The following SCHIP1 variants were observed in gnomAD, a reference collection of about 807,000 sequenced individuals.
SCHIP1 encodes the protein schwannomin-interacting protein 1.
SCHIP1 carries 8 observed loss-of-function variants against 29.7 expected under a neutral mutation model. The observed-to-expected ratio is 0.27, with a 90% CI of 0.16 to 0.49. SCHIP1 has a LOEUF of 0.49. Among genes scored for constraint, SCHIP1 ranks in the 20% least tolerant of loss-of-function variants. The probability of loss-of-function intolerance (pLI) is 0.99; values close to 1 mark genes in which losing one functional copy is unlikely to be tolerated. For synonymous variants in SCHIP1, 76 were observed against 94.9 expected (o/e 0.80, Z 1.16); for missense variants, 193 against 294.6 (o/e 0.66, Z 2.52).
chr3:159,337,336 G>T, the SCHIP1 span, among the ~76,000 whole-genome samples: 1,186 of 152,242 alleles, frequency 7.8e-3, 19 homozygotes, highest in African/African-American at 0.027. Flanking sequence ...AGTGTTGGAA[G>T]TTCTGGCCAG....
the SCHIP1 span, among the ~76,000 whole-genome samples, chr3:159,655,604 A>G: frequency 6.6e-6 from 1 of 152,158 alleles, no homozygotes; most frequent in African/African-American, 2.4e-5. Context: ...AGAAAGAAAC[A>G]GCAGGCCGAG....
chr3:159,646,364 T>C, the SCHIP1 span, among the ~76,000 whole-genome samples: 1 of 152,134 alleles, frequency 6.6e-6, no homozygotes, highest in Non-Finnish European at 1.5e-5. Context: ...GGCAGTGTAA[T>C]GTCTTACCAC....
At chr3:159,560,194 A>G in the SCHIP1 span, among the ~76,000 whole-genome samples, 1 of 152,208 alleles carries the variant, frequency 6.6e-6, no homozygotes, top group Non-Finnish European at 1.5e-5. Flanking sequence ...CTTATCAATA[A>G]TATTAATATC....
chr3:159,507,269 G>C, the SCHIP1 span, among the ~76,000 whole-genome samples: 1 of 151,940 alleles, frequency 6.6e-6, no homozygotes, highest in Admixed American at 6.6e-5. Flanking sequence ...CATTCTGTTT[G>C]TCTGTTATTG....
the SCHIP1 span, among the ~76,000 whole-genome samples, chr3:159,576,084 T>C: frequency 1.3e-5 from 2 of 152,162 alleles, no homozygotes; most frequent in Admixed American, 1.3e-4. Context: ...AAAATATATA[T>C]TTTCAAAAAG....
the SCHIP1 span, among the ~76,000 whole-genome samples, chr3:159,333,889 C>T: frequency 1.3e-5 from 2 of 152,022 alleles, no homozygotes; most frequent in African/African-American, 4.8e-5. Flanking sequence ...ATCTTTAGTC[C>T]TAATGGGCTG....
the SCHIP1 span, among the ~76,000 whole-genome samples, chr3:159,314,010 A>G: frequency 6.6e-6 from 1 of 152,170 alleles, no homozygotes; most frequent in African/African-American, 2.4e-5. Flanking sequence ...ACCCTGACTT[A>G]TCACTAGTGA....
chr3:159,550,934 T>G, the SCHIP1 span, among the ~76,000 whole-genome samples: 1 of 152,230 alleles, frequency 6.6e-6, no homozygotes, highest in East Asian at 1.9e-4. Context: ...GTGAGTTAAC[T>G]TTATATTATT....
At chr3:159,896,934 TTTAA>T in exon 7 of SCHIP1, 1 of 702,648 alleles carries the variant, frequency 1.4e-6, no homozygotes, top group Non-Finnish European at 2.1e-6. Flanking sequence ...CTTAATTTAT[TTTAA>T]TTTTTTACTT....
At chr3:159,645,366 T>C in the SCHIP1 span, among the ~76,000 whole-genome samples, 1 of 152,138 alleles carries the variant, frequency 6.6e-6, no homozygotes, top group Non-Finnish European at 1.5e-5. Context: ...AAAGTGCTTA[T>C]CACATCGACT....
chr3:159,750,785 AT>A, the SCHIP1 span, among the ~76,000 whole-genome samples: 1 of 152,112 alleles, frequency 6.6e-6, no homozygotes, highest in Non-Finnish European at 1.5e-5. Context: ...TGGCTCCCAA[AT>A]TTGTGGTATG....
At chr3:159,794,846 G>A in the SCHIP1 span, among the ~76,000 whole-genome samples, 1 of 152,150 alleles carries the variant, frequency 6.6e-6, no homozygotes, top group Non-Finnish European at 1.5e-5. Context: ...GCCCAAGGGA[G>A]GGGAAAGGCT....
chr3:159,637,205 T>C, the SCHIP1 span, among the ~76,000 whole-genome samples: 11 of 152,198 alleles, frequency 7.2e-5, no homozygotes, highest in Non-Finnish European at 1.3e-4. Flanking sequence ...TCTAATAACA[T>C]GCTTCAGGAG....
At chr3:159,369,999 T>C in the SCHIP1 span, among the ~76,000 whole-genome samples, 1 of 152,166 alleles carries the variant, frequency 6.6e-6, no homozygotes, top group African/African-American at 2.4e-5. Context: ...TGAGTTCTGG[T>C]CCCATATTTT....
the SCHIP1 span, among the ~76,000 whole-genome samples, chr3:159,515,208 A>AG: frequency 6.6e-6 from 1 of 151,992 alleles, no homozygotes; most frequent in Non-Finnish European, 1.5e-5. Context: ...TAAAAAAAAA[A>AG]AAAACTAAGA....
At chr3:159,758,663 T>A in the SCHIP1 span, among the ~76,000 whole-genome samples, 1 of 152,242 alleles carries the variant, frequency 6.6e-6, no homozygotes, top group African/African-American at 2.4e-5. Context: ...CTTGCAGAGA[T>A]TCTGTGTACT....
chr3:159,339,732 ACTT>A, the SCHIP1 span, among the ~76,000 whole-genome samples: 1 of 152,212 alleles, frequency 6.6e-6, no homozygotes, highest in East Asian at 1.9e-4. Flanking sequence ...AATAGATAAA[ACTT>A]CTTAAAATTT....
the SCHIP1 span, chr3:159,398,969 C>A: frequency 1.0e-6 from 1 of 983,156 alleles, no homozygotes; most frequent in Non-Finnish European, 1.2e-6. Context: ...GCAATTTGCC[C>A]AGTCTACAGC....
chr3:159,616,083 C>T, the SCHIP1 span, among the ~76,000 whole-genome samples: 1 of 148,804 alleles, frequency 6.7e-6, no homozygotes, highest in East Asian at 2.0e-4. Flanking sequence ...GGGGACAAGT[C>T]CTCTCAGAGA....
Sources: allele counts gnomAD v4.1 joint callset (sites outside exome capture counted in the v4.1 genomes callset), GRCh38; gene constraint gnomAD v4.1.1; transcripts MANE v1.5; gene names NCBI Gene and HGNC (gene_info 2026-07-23, HGNC 2026-07-21).